The following S100A8 variants were observed in gnomAD, a reference collection of about 807,000 sequenced individuals.
The protein encoded by S100A8 is S100 calcium binding protein A8.
Under a neutral mutation model 4.2 loss-of-function variants are expected in S100A8, and 1 was observed. That is an observed-to-expected ratio of 0.24 (90% CI 0.08 to 1.12). The LOEUF is 1.12. Among genes scored for constraint, S100A8 ranks in the 50% most tolerant of loss-of-function variants. The probability of loss-of-function intolerance (pLI) is 0.53; values close to 1 mark genes in which losing one functional copy is unlikely to be tolerated. For synonymous variants in S100A8, 41 were observed against 44.7 expected, an observed-to-expected ratio of 0.92 and a Z score of 0.33; for missense variants, 96 against 111.8, an observed-to-expected ratio of 0.86 and a Z score of 0.64.
the S100A8 span, among the ~76,000 whole-genome samples, chr1:153,413,773 C>T: frequency 4.6e-5 from 7 of 151,706 alleles, no homozygotes; most frequent in South Asian, 2.1e-4. Flanking sequence ...TAGTGGCAGG[C>T]GCCTATAATC....
chr1:153,402,700 C>T, the S100A8 span, among the ~76,000 whole-genome samples: 1 of 152,258 alleles, frequency 6.6e-6, no homozygotes, highest in African/African-American at 2.4e-5. Context: ...TTCTCCCAAA[C>T]GTAACCTATA....
chr1:153,410,438 T>C, the S100A8 span, among the ~76,000 whole-genome samples: 1 of 152,168 alleles, frequency 6.6e-6, no homozygotes, highest in African/African-American at 2.4e-5. Flanking sequence ...CAGAAAAAGT[T>C]GAATTCCTGA....
upstream of S100A8, among the ~76,000 whole-genome samples, chr1:153,396,050 C>T (rs1662206388): frequency 6.6e-6 from 1 of 152,222 alleles, no homozygotes; most frequent in African/African-American, 2.4e-5. Context: ...GCTATCTCCC[C>T]AAGAGAGGAG....
At chr1:153,407,203 G>T in the S100A8 span, among the ~76,000 whole-genome samples, 1 of 152,206 alleles carries the variant, frequency 6.6e-6, no homozygotes, top group African/African-American at 2.4e-5. Flanking sequence ...AGGGGCCAGG[G>T]AATACTTTTC....
the S100A8 span, among the ~76,000 whole-genome samples, chr1:153,398,573 C>T: frequency 6.6e-6 from 1 of 152,138 alleles, no homozygotes; most frequent in African/African-American, 2.4e-5. Context: ...CTCTGGTGCT[C>T]TGATGCCTGT....
At chr1:153,408,187 G>A in the S100A8 span, among the ~76,000 whole-genome samples, 1 of 152,166 alleles carries the variant, frequency 6.6e-6, no homozygotes, top group Admixed American at 6.5e-5. Flanking sequence ...CGAGCTAAAG[G>A]AGTTTGTTCA....
At chr1:153,419,259 T>A in the S100A8 span, 1 of 1,614,186 alleles carries the variant, frequency 6.2e-7, no homozygotes, top group Non-Finnish European at 8.5e-7. Context: ...AGCCGCAGAC[T>A]ACCACAAGCA....
chr1:153,421,110 C>T, the S100A8 span: 3 of 152,218 alleles, frequency 2.0e-5, no homozygotes, highest in African/African-American at 7.2e-5. Context: ...AACATACCCC[C>T]CATCAATATA....
At chr1:153,417,844 AC>A in the S100A8 span, 1 of 508,316 alleles carries the variant, frequency 2.0e-6, no homozygotes, top group African/African-American at 1.9e-5. Flanking sequence ...TCTGCCATCC[AC>A]CTGCATCTCT....
the S100A8 span, among the ~76,000 whole-genome samples, chr1:153,416,334 G>C: frequency 3.9e-5 from 6 of 152,148 alleles, no homozygotes; most frequent in African/African-American, 1.4e-4. Flanking sequence ...AGGTCTCTGG[G>C]GTGGGGTGGG....
chr1:153,419,552 G>T, the S100A8 span: 4 of 564,116 alleles, frequency 7.1e-6, no homozygotes, highest in South Asian at 7.1e-5. Context: ...ACAGGTCCTG[G>T]TGTCTGCCTC....
chr1:153,406,193 A>G, the S100A8 span, among the ~76,000 whole-genome samples: 1 of 152,162 alleles, frequency 6.6e-6, no homozygotes, highest in East Asian at 1.9e-4. Flanking sequence ...AACCTTTTTG[A>G]AGACACCTGC....
upstream of S100A8, among the ~76,000 whole-genome samples, chr1:153,394,619 G>A (rs567192442): frequency 1.3e-5 from 2 of 152,318 alleles, no homozygotes; most frequent in African/African-American, 2.4e-5. Flanking sequence ...GGAATGGGGT[G>A]CAGACATCTC....
upstream of S100A8, among the ~76,000 whole-genome samples, chr1:153,392,957 C>T (rs148855667): frequency 3.1e-4 from 47 of 152,258 alleles, no homozygotes; most frequent in Admixed American, 1.5e-3. Context: ...TTCCCATGTC[C>T]GGGAACTATT....
At chr1:153,395,503 GC>G (rs1426734250), upstream of S100A8, among the ~76,000 whole-genome samples, 2 of 151,946 alleles carry the variant, frequency 1.3e-5, no homozygotes, top group Non-Finnish European at 2.9e-5. Flanking sequence ...TTCTGATGCC[GC>G]CTCCCTCCCT....
the S100A8 span, among the ~76,000 whole-genome samples, chr1:153,404,322 G>A: frequency 6.6e-6 from 1 of 152,170 alleles, no homozygotes; most frequent in Non-Finnish European, 1.5e-5. Flanking sequence ...CCGCTCTGTG[G>A]AGGCCCAGTG....
chr1:153,404,868 C>T, the S100A8 span, among the ~76,000 whole-genome samples: 2 of 151,932 alleles, frequency 1.3e-5, no homozygotes, highest in Admixed American at 6.6e-5. Context: ...CACGAAGGAC[C>T]CAGCCACGTG....
the S100A8 span, chr1:153,396,536 G>A: frequency 6.5e-6 from 1 of 152,806 alleles, no homozygotes; most frequent in Non-Finnish European, 1.5e-5. Context: ...TGATATCAAG[G>A]TCACACCTCC....
At chr1:153,403,037 A>G in the S100A8 span, among the ~76,000 whole-genome samples, 3 of 152,246 alleles carry the variant, frequency 2.0e-5, no homozygotes, top group Non-Finnish European at 4.4e-5. Flanking sequence ...TACTGGATCA[A>G]CTGGATGCTC....
Sources: allele counts gnomAD v4.1 joint callset (sites outside exome capture counted in the v4.1 genomes callset), GRCh38; gene constraint gnomAD v4.1.1; transcripts MANE v1.5; gene names NCBI Gene and HGNC (gene_info 2026-07-23, HGNC 2026-07-21).